Variants in SNX29 observed in about 807,000 individuals in gnomAD.
SNX29 encodes the protein sorting nexin-29.
In SNX29, 78 loss-of-function variants were observed where a neutral mutation model predicts 102.1. The observed-to-expected ratio is 0.76, with a 90% CI of 0.64 to 0.92. The LOEUF is 0.92. Among genes scored for constraint, SNX29 ranks in the 40% least tolerant of loss-of-function variants. SNX29 has a pLI of 0.00. For synonymous variants in SNX29, 580 were observed against 414.5 expected (o/e 1.40, Z -4.85); for missense variants, 1,280 against 1,061.7 (o/e 1.21, Z -2.86).
At chr16:12,166,149 T>C (rs1234136834) in intron 13 of SNX29, among the ~76,000 whole-genome samples, 2 of 152,240 alleles carry the variant, frequency 1.3e-5, no homozygotes, top group African/African-American at 4.8e-5. Flanking sequence ...GATTTGGTGG[T>C]TTGCCAAAGT....
intron 3 of SNX29, among the ~76,000 whole-genome samples, chr16:12,023,054 G>GC (rs1567536915): frequency 6.6e-6 from 1 of 151,672 alleles, no homozygotes; most frequent in African/African-American, 2.4e-5. Flanking sequence ...CTGCTGTAAC[G>GC]CCCAGTGAAT....
chr16:12,108,691 C>G (rs1001878973), intron 11 of SNX29, among the ~76,000 whole-genome samples: 1 of 152,136 alleles, frequency 6.6e-6, no homozygotes, highest in Non-Finnish European at 1.5e-5. Context: ...CAGTCCATTA[C>G]GTAGAGTTAT....
intron 6 of SNX29, among the ~76,000 whole-genome samples, chr16:12,046,838 C>T (rs1393014989): frequency 6.6e-6 from 1 of 152,128 alleles, no homozygotes; most frequent in African/African-American, 2.4e-5. Context: ...AGGCCGGTCT[C>T]GAAATCCTGG....
chr16:12,327,698 G>C (rs897884668), intron 15 of SNX29, among the ~76,000 whole-genome samples: 6 of 150,840 alleles, frequency 4.0e-5, no homozygotes, highest in African/African-American at 1.2e-4. Flanking sequence ...ATAATAGATG[G>C]AGTTGCTTGG....
intron 18 of SNX29, among the ~76,000 whole-genome samples, chr16:12,408,988 C>G (rs1410687118): frequency 2.0e-5 from 3 of 152,190 alleles, no homozygotes; most frequent in Admixed American, 6.5e-5. Flanking sequence ...CAAATTATTG[C>G]AAAAAGTTTG....
At chr16:12,330,992 G>T (rs1201931633) in intron 15 of SNX29, among the ~76,000 whole-genome samples, 1 of 152,256 alleles carries the variant, frequency 6.6e-6, no homozygotes, top group East Asian at 1.9e-4. Context: ...TCCACACACT[G>T]GGAGCAATTC....
rs1388048334 is a variant in SNX29, at chr16:12,573,222, T to C, written c.*4593T>C. On this transcript the variant is annotated 3_prime_UTR_variant, in exon 21 of 21. Transcript: ENST00000566228. Reference sequence around the variant, plus strand: ...CTCTAGGCAGACCGGATCCCGCAGTTCATCCCATGGTTGTTGAAATGTACC... The same window carrying C: ...CTCTAGGCAGACCGGATCCCGCAGTCCATCCCATGGTTGTTGAAATGTACC... 8.8e-6 allele frequency: 2 copies of C among 226,500 alleles called. No homozygotes were observed. Among genetic ancestry groups the C allele is most frequent in the Non-Finnish European group, 1.8e-5 (2 of 114,050 alleles). 14.0% of individuals were successfully genotyped at this position (226,500 alleles called of 1,614,324 possible).
intron 20 of SNX29, among the ~76,000 whole-genome samples, chr16:12,553,693 C>T (rs940133460): frequency 6.0e-5 from 9 of 150,624 alleles, no homozygotes; most frequent in African/African-American, 2.0e-4. Flanking sequence ...TGGGTTCAAA[C>T]AATTCTGCCT....
intron 19 of SNX29, among the ~76,000 whole-genome samples, chr16:12,520,963 C>G (rs995883696): frequency 1.3e-5 from 2 of 152,144 alleles, no homozygotes; most frequent in Non-Finnish European, 2.9e-5. Flanking sequence ...CTTTGGGACA[C>G]TGAGGTGGGC....
Position 12,571,598 on chromosome 16 carries a change from A to C in SNX29, c.*2969A>C. 3 of 1,058,410 alleles carry C rather than the reference A, an allele frequency of 2.8e-6. No individual in the cohort carries two copies. The highest frequency in any genetic ancestry group is 3.4e-6 in the Non-Finnish European group (3 of 874,106). 65.6% of individuals were successfully genotyped at this position (1,058,410 alleles called of 1,614,324 possible). A position where few individuals can be genotyped will look rare whatever the true frequency, so the allele number is the denominator to read the frequency against. ...TTCATGGCCTGCTGTGCTGAAACAG[A>C]ACAGCAGGTTCCATCTTTCACATCT... On this transcript the variant is annotated 3_prime_UTR_variant, in exon 21 of 21. Transcript: ENST00000566228.
intron 15 of SNX29, among the ~76,000 whole-genome samples, chr16:12,346,839 G>T (rs977893528): frequency 6.6e-6 from 1 of 152,114 alleles, no homozygotes; most frequent in East Asian, 1.9e-4. Flanking sequence ...TCTCCAGGGG[G>T]GTAGCAGCTG....
intron 18 of SNX29, among the ~76,000 whole-genome samples, chr16:12,410,140 A>G (rs954314217): frequency 2.6e-5 from 4 of 151,652 alleles, no homozygotes; most frequent in East Asian, 2.0e-4. Context: ...GAGTACAGGC[A>G]CCCATCACCA....
At chr16:12,514,735 T>G (rs1329047254) in intron 19 of SNX29, among the ~76,000 whole-genome samples, 1 of 151,994 alleles carries the variant, frequency 6.6e-6, no homozygotes, top group East Asian at 1.9e-4. Flanking sequence ...CGTGGTGGCA[T>G]GTACCTGTAA....
chr16:12,280,217 G>A (rs993260790), intron 15 of SNX29, among the ~76,000 whole-genome samples: 1 of 152,216 alleles, frequency 6.6e-6, no homozygotes, highest in Non-Finnish European at 1.5e-5. Context: ...GCATTGGCAG[G>A]AACTGAAAGG....
intron 20 of SNX29, among the ~76,000 whole-genome samples, chr16:12,565,296 C>G (rs998900136): frequency 2.0e-5 from 3 of 152,202 alleles, no homozygotes; most frequent in Non-Finnish European, 4.4e-5. Flanking sequence ...CAGCCACCAG[C>G]ACTCTCCATT....
At chr16:12,206,537 C>A (rs1456453600) in intron 14 of SNX29, among the ~76,000 whole-genome samples, 1 of 152,164 alleles carries the variant, frequency 6.6e-6, no homozygotes, top group African/African-American at 2.4e-5. Context: ...TCCCATGAGT[C>A]AGTACACGGG....
chr16:12,052,287 G>C, intron 8 of SNX29, 65 bp downstream of exon 8: 1 of 1,572,056 alleles, frequency 6.4e-7, no homozygotes, highest in Non-Finnish European at 8.7e-7. Context: ...CGTGATCTCA[G>C]CTCACTGCAA....
chr16:12,218,791 T>A (rs1483533010), intron 14 of SNX29, among the ~76,000 whole-genome samples: 1 of 152,220 alleles, frequency 6.6e-6, no homozygotes, highest in Non-Finnish European at 1.5e-5. Flanking sequence ...TATTTATTTT[T>A]TTAGACACAG....
intron 20 of SNX29, among the ~76,000 whole-genome samples, chr16:12,567,288 A>T (rs1390801550): frequency 6.6e-6 from 1 of 150,782 alleles, no homozygotes; most frequent in East Asian, 1.9e-4. Flanking sequence ...CAGGACTTAC[A>T]TCCAGCAAGC....
Sources: allele counts gnomAD v4.1 joint callset (sites outside exome capture counted in the v4.1 genomes callset), GRCh38; gene constraint gnomAD v4.1.1; transcripts MANE v1.5; gene names NCBI Gene and HGNC (gene_info 2026-07-23, HGNC 2026-07-21).